FAM83G: variants seen among roughly 807,000 people sequenced by gnomAD.
FAM83G encodes scaffolding CK1 anchoring protein G.
In FAM83G, 38 loss-of-function variants were observed where a neutral mutation model predicts 61.5. The observed-to-expected ratio is 0.62, with a 90% CI of 0.48 to 0.81. FAM83G has a LOEUF of 0.81. Ranked by LOEUF, FAM83G falls within the 30% of genes least tolerant of loss-of-function variation. FAM83G has a pLI of 0.00. For synonymous variants in FAM83G, 470 were observed against 476.1 expected (o/e 0.99, Z 0.17); for missense variants, 989 against 1,133.6 (o/e 0.87, Z 1.83).
chr17:18,995,679 G>A (rs565702705), intron 2 of FAM83G, among the ~76,000 whole-genome samples: 7 of 152,206 alleles, frequency 4.6e-5, no homozygotes, highest in Admixed American at 1.3e-4. Context: ...AGGCAGAGGC[G>A]GGTGGATCAC....
At chr17:18,987,114 G>A (rs189684313) in intron 3 of FAM83G, among the ~76,000 whole-genome samples, 10 of 152,340 alleles carry the variant, frequency 6.6e-5, no homozygotes, top group Admixed American at 1.3e-4. Flanking sequence ...ACAAATTACA[G>A]GCGTGGAGCC....
intron 3 of FAM83G, among the ~76,000 whole-genome samples, chr17:18,981,939 C>T (rs1484099982): frequency 6.6e-6 from 1 of 152,168 alleles, no homozygotes; most frequent in Non-Finnish European, 1.5e-5. Flanking sequence ...GTCACTGAGC[C>T]CAACCGAGCC....
At chr17:18,978,973 T>C (rs1163469878) in intron 4 of FAM83G, 123 bp from the exon 5 acceptor site, 13 of 1,117,500 alleles carry the variant, frequency 1.2e-5, no homozygotes, top group African/African-American at 1.6e-5. Flanking sequence ...AAGAAGTGAA[T>C]GGGGGCAGAG....
In FAM83G at chr17:18,969,303, G is replaced by A. The variant is rs780554980; in HGVS notation, c.*2056C>T. The stretch of plus-strand genomic sequence containing the variant: ...TCCTCCCCGTGTCCCTCCTCCCTGG[G>A]GCCAGGGCCCCCTCCAGCAACCTTG... On this transcript the variant is annotated 3_prime_UTR_variant, in exon 6 of 6. Coordinates refer to ENST00000388995, the MANE Select transcript of FAM83G (RefSeq NM_001039999.3). 3.7e-6 allele frequency: 6 copies of A among 1,606,238 alleles called. No individual in the cohort carries two copies. Among genetic ancestry groups the A allele is most frequent in the South Asian group, 1.1e-5 (1 of 90,470 alleles).
upstream of FAM83G, among the ~76,000 whole-genome samples, chr17:19,005,693 C>T (rs2043867852): frequency 6.7e-6 from 1 of 150,230 alleles, no homozygotes; most frequent in African/African-American, 2.4e-5. Flanking sequence ...CCCATCAGGA[C>T]TCCTTGCCTC....
At chr17:18,984,556 T>C (rs2043220348) in intron 3 of FAM83G, among the ~76,000 whole-genome samples, 1 of 152,204 alleles carries the variant, frequency 6.6e-6, no homozygotes, top group South Asian at 2.1e-4. Flanking sequence ...CTGATGCTTC[T>C]TTGTTCATCA....
In FAM83G at chr17:18,979,630, C is replaced by T. The variant is rs200916723; in HGVS notation, c.734G>A (p.Arg245Gln). The change falls in exon 4 of 6, where the codon CGG becomes CAG. Residue 245 changes from arginine (R) to glutamine (Q), a missense_variant. Arg to Gln is a conservative substitution (Grantham distance 43). This residue lies in a region of FAM83G where 371 missense variants were observed against 404.5 expected (regional missense o/e 0.92). Coordinates refer to ENST00000388995, the MANE Select transcript of FAM83G (RefSeq NM_001039999.3). The stretch of plus-strand genomic sequence containing the variant: ...GGCACCCTTGAACTTGGTTGCCGAC[C>T]GCGTGAAGAACTCAGTTCCCCCGCT... ...RSSGGTEFFT[R>Q]SATKFKGALA... 1.9e-4 allele frequency: 307 copies of T among 1,613,530 alleles called. No individual in the cohort carries two copies. Among genetic ancestry groups the T allele is most frequent in the Non-Finnish European group, 2.3e-4 (266 of 1,179,986 alleles).
Position 18,971,726 on chromosome 17 carries a change from C to A in FAM83G, c.2105G>T (p.Arg702Met). 6.3e-7 allele frequency: 1 copy of A among 1,577,658 alleles called. No individual in the cohort carries two copies. ...ATCCCTAGTCCCTGAGGCAGGGACC[C>A]TGTGATGATGAAACTGCTGGCCCTG... ...EAQGQQFHHH[R>M]VPASGTRDKD... Residue 702 changes from arginine (R) to methionine (M), a missense_variant, in exon 6 of 6, where the codon AGG (arginine) becomes ATG (methionine). Coordinates refer to ENST00000388995, the MANE Select transcript of FAM83G (RefSeq NM_001039999.3). The surrounding 1 kb of genome is among the most constrained non-coding windows in gnomAD (Gnocchi z 5.5).
intron 5 of FAM83G, chr17:18,976,961 G>A (rs746229122): frequency 1.4e-5 from 23 of 1,612,890 alleles, no homozygotes; most frequent in Admixed American, 1.3e-4. Flanking sequence ...TCATCATGCC[G>A]GGCATGATCA....
rs1193079634 is a variant in FAM83G, at chr17:18,970,729, A to C, written c.*630T>G. 5 of 468,078 alleles carry C rather than the reference A, an allele frequency of 1.1e-5. No homozygotes were observed. Among genetic ancestry groups the C allele is most frequent in the Non-Finnish European group, 1.9e-5 (5 of 256,500 alleles). 29.0% of individuals were successfully genotyped at this position (468,078 alleles called of 1,614,324 possible). A position where few individuals can be genotyped will look rare whatever the true frequency, so the allele number is the denominator to read the frequency against. ...CAAGGCCGATGAGTGTCCAGAGGCC[A>C]ACAGTGACTCCTGCTGGGCCAGCGG... On this transcript the variant is annotated 3_prime_UTR_variant, in exon 6 of 6. Coordinates refer to ENST00000388995, the MANE Select transcript of FAM83G (RefSeq NM_001039999.3).
chr17:18,978,656 G>C lies in FAM83G; in HGVS notation c.1010C>G (p.Ala337Gly), dbSNP rs199992271. Residue 337 changes from alanine to glycine, a missense_variant, in exon 5 of 6, where the codon GCG (alanine) becomes GGG (glycine). This residue lies in a region of FAM83G where 44 missense variants were observed against 83.9 expected (regional missense o/e 0.52). Coordinates refer to ENST00000388995, the MANE Select transcript of FAM83G (RefSeq NM_001039999.3). ...GACGAGCTTCTTGGCCACAGTGCCCGCGGGCACCAGGGGGACCACAGAGGG... is the reference window on the plus strand; with the variant it reads ...GACGAGCTTCTTGGCCACAGTGCCCCCGGGCACCAGGGGGACCACAGAGGG... ...VLPSVVPLVP[A>G]GTVAKKLVNP... 5 of 1,612,992 alleles carry C rather than the reference G, an allele frequency of 3.1e-6. No homozygotes were observed. The highest frequency in any genetic ancestry group is 4.2e-6 in the Non-Finnish European group (5 of 1,179,988).
In FAM83G at chr17:18,969,291, C is replaced by T; in HGVS notation, c.*2068G>A. The T allele has an allele frequency of 6.3e-7, 1 of 1,596,434 alleles. No homozygotes were observed. Among genetic ancestry groups the T allele is most frequent in the Non-Finnish European group, 8.6e-7 (1 of 1,167,644 alleles). ...AGCCCCAGAAGTTCCTCCCCGTGTC[C>T]CTCCTCCCTGGGGCCAGGGCCCCCT... is the stretch of plus-strand genomic sequence containing the variant. On this transcript the variant is annotated 3_prime_UTR_variant, in exon 6 of 6. Coordinates refer to ENST00000388995, the MANE Select transcript of FAM83G (RefSeq NM_001039999.3).
At position 18,977,732 on chromosome 17, in the gene FAM83G, G is replaced by A. The variant is rs373827776; in HGVS notation, c.1934C>T (p.Pro645Leu). Reference protein sequence around the residue: ...EQVANGPTPPPRRQLSAPHIT... With the variant: ...EQVANGPTPPLRRQLSAPHIT... ...ATGGGGGGCACTCAGCTGCCGGCGC[G>A]GTGGTGGGGTTGGCCCGTTGGCCAC... Residue 645 changes from proline to leucine, a missense_variant, in exon 5 of 6, where the codon CCG (proline) becomes CTG (leucine). By Grantham distance (98) the Pro-to-Leu change is moderately conservative. Coordinates refer to ENST00000388995, the MANE Select transcript of FAM83G (RefSeq NM_001039999.3). The A allele has an allele frequency of 2.7e-5, 44 of 1,607,796 alleles. No individual in the cohort carries two copies. Among genetic ancestry groups the A allele is most frequent in the Admixed American group, 2.4e-4 (14 of 59,424 alleles).
rs1428228721 is a variant in FAM83G, at chr17:18,996,414, A to G, written c.522+7106T>C. The stretch of plus-strand genomic sequence containing the variant: ...AGAATTAGTGACATGCCATCTGAAG[A>G]GGCCCAAGAAGGTTCTCTGGGTTAG... On this transcript the variant is annotated intron_variant, in intron 2 of 5. Coordinates refer to ENST00000388995, the MANE Select transcript of FAM83G (RefSeq NM_001039999.3). This position sits in a 1 kb window ranked among gnomAD's most constrained non-coding sequence, Gnocchi z 4.4. 6.6e-6 allele frequency among the ~76,000 whole-genome samples: 1 copy of G among 152,042 alleles called. No homozygotes were observed. The highest frequency in any genetic ancestry group is 1.5e-5 in the Non-Finnish European group (1 of 68,014).
chr17:18,993,994 C>T lies in FAM83G; in HGVS notation c.523-5580G>A, dbSNP rs2043499316. On this transcript the variant is annotated intron_variant, in intron 2 of 5. Coordinates refer to ENST00000388995, the MANE Select transcript of FAM83G (RefSeq NM_001039999.3). ...CCAACCCAAGTCCCATCCCACCAGA[C>T]CCACAGCTCCCTCTGGGGTGAACAG... Among the ~76,000 whole-genome samples, 3 of 152,228 alleles carry T rather than the reference C, an allele frequency of 2.0e-5. No individual in the cohort carries two copies. In the South Asian group the frequency reaches 6.2e-4, roughly 31 times the overall value.
rs868011168 is a variant in FAM83G, at chr17:18,969,130, G to A, written c.*2229C>T. 6.2e-7 allele frequency: 1 copy of A among 1,614,052 alleles called. No individual in the cohort carries two copies. On this transcript the variant is annotated 3_prime_UTR_variant, in exon 6 of 6. Transcript: ENST00000388995. ...CTACCTCTCCACCATCCTCACGCTCGGCATCACAGCCCTGTACACCATCGC... is the reference window on the plus strand; with the variant it reads ...CTACCTCTCCACCATCCTCACGCTCAGCATCACAGCCCTGTACACCATCGC...
At chr17:18,991,107 A>G (rs973876429) in intron 2 of FAM83G, among the ~76,000 whole-genome samples, 1 of 152,204 alleles carries the variant, frequency 6.6e-6, no homozygotes, top group African/African-American at 2.4e-5. Flanking sequence ...GCAGATAAAG[A>G]AACTGAAGCA....
chr17:18,982,060 C>T (rs938665830), intron 3 of FAM83G, among the ~76,000 whole-genome samples: 1 of 152,234 alleles, frequency 6.6e-6, no homozygotes, highest in Non-Finnish European at 1.5e-5. Flanking sequence ...CCCCACCCAT[C>T]CCAAACCTTG....
Position 18,971,379 on chromosome 17 carries a change from G to A in FAM83G, c.2452C>T (p.Arg818Trp), listed in dbSNP as rs765570800. Residue 818 changes from arginine (R) to tryptophan (W), a missense_variant, in exon 6 of 6, where the codon CGG becomes TGG. By Grantham distance (101) the Arg-to-Trp change is moderately radical. Around this residue, in one of 3 missense-constraint regions of FAM83G, gnomAD observed 574 missense variants for 645.1 expected, o/e 0.89. Transcript: ENST00000388995. The surrounding 1 kb of genome is among the most constrained non-coding windows in gnomAD (Gnocchi z 5.5). ...SDSKRRAQAPRDRKDP is the reference protein window; with the variant it reads ...SDSKRRAQAPWDRKDP Reference sequence around the variant, plus strand: ...TGCTGCTAGGGGTCTTTGCGGTCCCGGGGGGCTTGAGCCCTCCGTTTAGAA... The same window carrying A: ...TGCTGCTAGGGGTCTTTGCGGTCCCAGGGGGCTTGAGCCCTCCGTTTAGAA... 2.5e-6 allele frequency: 4 copies of A among 1,601,780 alleles called. No homozygotes were observed. Among genetic ancestry groups the A allele is most frequent in the South Asian group, 2.2e-5 (2 of 90,458 alleles).
Sources: allele counts gnomAD v4.1 joint callset (sites outside exome capture counted in the v4.1 genomes callset), GRCh38; gene constraint gnomAD v4.1.1; regional missense constraint gnomAD v4.1.1; non-coding constraint Gnocchi (gnomAD v3.1); transcripts MANE v1.5; gene names NCBI Gene and HGNC (gene_info 2026-07-23, HGNC 2026-07-21).